Variants in TAOK2 observed in about 807,000 individuals in gnomAD.
TAOK2 encodes the protein serine/threonine-protein kinase TAO2.
In TAOK2, 42 loss-of-function variants were observed where a neutral mutation model predicts 122.5. The ratio of observed to expected loss-of-function variants is 0.34; its 90% CI spans 0.27 to 0.44. The LOEUF is 0.44. Ranked by LOEUF, TAOK2 falls within the 20% of genes least tolerant of loss-of-function variation. The pLI, the probability that TAOK2 is intolerant of heterozygous loss-of-function variation, is 1.00. For missense variants in TAOK2, 1,264 were observed against 1,644.9 expected (o/e 0.77, Z 4.01); for synonymous variants, 704 against 677.6 (o/e 1.04, Z -0.61).
chr16:29,989,179 G>A (rs1403718400), downstream of TAOK2: 22 of 984,976 alleles, frequency 2.2e-5, no homozygotes, highest in South Asian at 9.4e-5. Context: ...ATTTGCTCAC[G>A]TGCTTCTGTC....
At position 29,977,732 on chromosome 16, in the gene TAOK2, C is replaced by T. The variant is rs1419817074; in HGVS notation, c.-35-6C>T. ...GATCTCTAAGGGTCCCATTTCCATT[C>T]CTCAGGCCAGGCCCCACTCTCAGGG... On this transcript the variant is annotated splice_region_variant and splice_polypyrimidine_tract_variant and intron_variant, in intron 1 of 15. Coordinates refer to ENST00000308893, the MANE Select transcript of TAOK2 (RefSeq NM_016151.4). 6 of 1,610,434 alleles carry T rather than the reference C, an allele frequency of 3.7e-6. No homozygotes were observed. Among genetic ancestry groups the T allele is most frequent in the Middle Eastern group, 1.7e-4 (1 of 5,750 alleles).
At chr16:29,990,754 TC>T, downstream of TAOK2, 1 of 1,572,586 alleles carries the variant, frequency 6.4e-7, no homozygotes, top group Non-Finnish European at 8.7e-7. Flanking sequence ...GGGGAGGAGA[TC>T]CCTACAACTG....
intron 10 of TAOK2, 40 bp from the exon 11 acceptor site, chr16:29,982,692 GAA>G: frequency 6.3e-7 from 1 of 1,589,898 alleles, no homozygotes; most frequent in South Asian, 1.2e-5. Context: ...GTTGTGGGGG[GAA>G]GGGGAGTTGG....
chr16:29,987,615 T>C lies in TAOK2; in HGVS notation c.3343T>C (p.Tyr1115His). 1 of 1,613,090 alleles carries C rather than the reference T, an allele frequency of 6.2e-7. No homozygotes were observed. The highest frequency in any genetic ancestry group is 1.1e-5 in the South Asian group (1 of 91,020). Residue 1115 changes from tyrosine to histidine, a missense_variant, in exon 16 of 16, where the codon TAC becomes CAC. Physicochemically the swap from Tyr to His is moderately conservative, Grantham distance 83. Coordinates refer to ENST00000308893, the MANE Select transcript of TAOK2 (RefSeq NM_016151.4). ...GGGGGACCGGGGTCTGTTTGCACTG[T>C]ACCCCAAAACCAACAAGGATGGCTT... ...AVGDRGLFAL[Y>H]PKTNKDGFRS...
Position 29,981,960 on chromosome 16 carries a change from G to C in TAOK2, c.831+20G>C, listed in dbSNP as rs1466709063. ...CTGAAGGTGAGGGCCTGCTGGCCTA[G>C]CATTCTCCTGGAACTGTAGCTTGTT... On this transcript the variant is annotated intron_variant, in intron 10 of 15. Transcript: ENST00000308893. 2.5e-6 allele frequency: 4 copies of C among 1,595,032 alleles called. No homozygotes were observed. In the Admixed American group the frequency reaches 5.1e-5, roughly 20 times the overall value.
rs4077410 is a variant in TAOK2 at position 29,986,879 on chromosome 16, A to G, written c.2607A>G (p.Thr869=). The G allele has an allele frequency of 0.51, 825,226 of 1,613,572 alleles. 213,116 individuals carry two copies. Among genetic ancestry groups the G allele is most frequent in the African/African-American group, 0.55 (41,434 of 74,890 alleles). The change falls in exon 16 of 16, where the codon ACA becomes ACG. Residue 869 remains threonine, a synonymous_variant. Coordinates refer to ENST00000308893, the MANE Select transcript of TAOK2 (RefSeq NM_016151.4). This position sits in a 1 kb window ranked among gnomAD's most constrained non-coding sequence, Gnocchi z 4.2. ...TTGTTGGCCAGGAGGAGGCTGGGAC[A>G]TGGAGCTTGTGGGGGAAGGAGGATG... The part of the protein sequence containing the change: ...RSIVGQEEAG[T]WSLWGKEDES...
rs1181348040 is a variant in TAOK2, at chr16:29,987,135, C to T, written c.2863C>T (p.Leu955Phe). 1 of 1,592,142 alleles carries T rather than the reference C, an allele frequency of 6.3e-7. No individual in the cohort carries two copies. Among genetic ancestry groups the T allele is most frequent in the Non-Finnish European group, 8.5e-7 (1 of 1,171,286 alleles). Residue 955 changes from leucine (L) to phenylalanine (F), a missense_variant, in exon 16 of 16, where the codon CTC becomes TTC. Transcript: ENST00000308893. ...CCTGTCCCATGGCCTCCTGGCCGGC[C>T]TCTCCTTTGCAGTGGGGTCCTCCTC... ...GLLSHGLLAGLSFAVGSSSGL... is the reference protein window; with the variant it reads ...GLLSHGLLAGFSFAVGSSSGL...
chr16:29,988,759 A>C (rs1448637951), downstream of TAOK2: 48 of 985,154 alleles, frequency 4.9e-5, no homozygotes, highest in Non-Finnish European at 5.8e-5. Context: ...GCATTACCCT[A>C]GTGGGTTGGG....
chr16:29,991,176 C>T (rs2069959864), downstream of TAOK2: 1 of 1,611,424 alleles, frequency 6.2e-7, no homozygotes, highest in Non-Finnish European at 8.5e-7. The surrounding 1 kb of genome is among the most constrained non-coding windows in gnomAD (Gnocchi z 5.6). Flanking sequence ...CAGCATGGCT[C>T]TGGGGGGCAT....
chr16:29,983,215 G>A lies in TAOK2; in HGVS notation c.1143G>A (p.Glu381=), dbSNP rs898793779. The change falls in exon 12 of 16, where the codon GAG becomes GAA. Residue 381 remains glutamate, a synonymous_variant. Coordinates refer to ENST00000308893, the MANE Select transcript of TAOK2 (RefSeq NM_016151.4). Reference sequence around the variant, plus strand: ...ATGCCTCAGACAACGAGGAAGAGGAGGAGGAGGAGGAGGAAGAGGAGGAGG... The same window carrying A: ...ATGCCTCAGACAACGAGGAAGAGGAAGAGGAGGAGGAGGAAGAGGAGGAGG... The part of the protein sequence containing the change: ...LADASDNEEE[E]EEEEEEEEEE... The A allele has an allele frequency of 5.2e-5, 84 of 1,613,054 alleles. No individual in the cohort carries two copies. Among genetic ancestry groups the A allele is most frequent in the Non-Finnish European group, 6.8e-5 (80 of 1,179,716 alleles).
downstream of TAOK2, chr16:29,989,008 C>T (rs1208483283): frequency 5.1e-6 from 5 of 985,264 alleles, no homozygotes; most frequent in African/African-American, 1.7e-5. Context: ...GGGGCAGCCC[C>T]TTCTTACCCA....
rs1434929995 is a variant in TAOK2 at position 29,977,600 on chromosome 16, A to G, written c.-35-138A>G. On this transcript the variant is annotated intron_variant, in intron 1 of 15. Coordinates refer to ENST00000308893, the MANE Select transcript of TAOK2 (RefSeq NM_016151.4). ...TTTTGGAGCTTTGATGTTGTTCCTA[A>G]TCTCCCCCTCCCCTTCCTCAGCAGT... 3 of 820,108 alleles carry G rather than the reference A, an allele frequency of 3.7e-6. No individual in the cohort carries two copies. The East Asian group carries it at 8.2e-5, about 22-fold the overall frequency. The allele number at this position is 820,108 out of a possible 1,614,324, so 50.8% of individuals were successfully genotyped here.
intron 1 of TAOK2, among the ~76,000 whole-genome samples, chr16:29,974,999 A>C (rs908863893): frequency 6.6e-6 from 1 of 151,818 alleles, no homozygotes; most frequent in South Asian, 2.1e-4. Context: ...TCTCCTGGCT[A>C]TTCTGTGGTT....
At chr16:29,991,456 G>C, downstream of TAOK2, 1 of 1,501,168 alleles carries the variant, frequency 6.7e-7, no homozygotes, top group Non-Finnish European at 8.9e-7. This position sits in a 1 kb window ranked among gnomAD's most constrained non-coding sequence, Gnocchi z 5.6. Flanking sequence ...GCCTCGGGGG[G>C]CAGTGGCAGT....
chr16:29,991,722 C>A, downstream of TAOK2: 1 of 1,044,750 alleles, frequency 9.6e-7, no homozygotes, highest in Non-Finnish European at 1.3e-6. The surrounding 1 kb of genome is among the most constrained non-coding windows in gnomAD (Gnocchi z 5.6). Flanking sequence ...CTTCTTGGGG[C>A]TGGCCAGTGG....
At chr16:29,991,577 G>A (rs1393566677), downstream of TAOK2, 37 of 1,460,676 alleles carry the variant, frequency 2.5e-5, no homozygotes, top group African/African-American at 8.6e-5. This position sits in a 1 kb window ranked among gnomAD's most constrained non-coding sequence, Gnocchi z 5.6. Flanking sequence ...GAGGTGCAGC[G>A]GGGAGGAGCA....
intron 10 of TAOK2, 152 bp from the exon 11 acceptor site, chr16:29,982,582 A>ATT (rs2150893101): frequency 2.0e-6 from 2 of 997,670 alleles, no homozygotes; most frequent in Non-Finnish European, 2.9e-6. Context: ...TGGTACAGAA[A>ATT]ATTGTGAGAG....
At chr16:29,981,368 A>C (rs2069608733) in intron 8 of TAOK2, 1 of 585,716 alleles carries the variant, frequency 1.7e-6, no homozygotes, top group Admixed American at 3.0e-5. Flanking sequence ...TTGGCACCTA[A>C]GAAATATTAG....
chr16:29,986,326 A>G lies in TAOK2; in HGVS notation c.2054A>G (p.Glu685Gly), dbSNP rs201560518. Residue 685 changes from glutamate to glycine, a missense_variant, in exon 16 of 16, where the codon GAG (glutamate) becomes GGG (glycine). Coordinates refer to ENST00000308893, the MANE Select transcript of TAOK2 (RefSeq NM_016151.4). The surrounding 1 kb of genome is among the most constrained non-coding windows in gnomAD (Gnocchi z 4.2). ...TGTGCACTGCTGCTTCGGCAGCACG[A>G]GGCCACGCGGGAGCTGGAGCTGCGG... The part of the protein sequence containing the change: ...LECALLLRQH[E>G]ATRELELRQL... 6.4e-7 allele frequency: 1 copy of G among 1,568,998 alleles called. No individual in the cohort carries two copies. Among genetic ancestry groups the G allele is most frequent in the Non-Finnish European group, 8.7e-7 (1 of 1,155,564 alleles).
Sources: gnomAD v4.1 joint callset for allele counts (sites outside exome capture counted in the v4.1 genomes callset) on GRCh38, gnomAD v4.1.1 for gene constraint, Gnocchi (gnomAD v3.1) non-coding constraint, MANE v1.5 for transcripts, NCBI Gene and HGNC (gene_info 2026-07-23, HGNC 2026-07-21) for gene names.